Variants in ZNF292 observed in about 807,000 individuals in gnomAD.
The protein encoded by ZNF292 is 16 zinc-finger domain protein.
In ZNF292, 26 loss-of-function variants were observed where a neutral mutation model predicts 217.9. The ratio of observed to expected loss-of-function variants is 0.12; its 90% CI spans 0.09 to 0.17. ZNF292 has a LOEUF of 0.17. Ranked by LOEUF, ZNF292 falls within the 10% of genes least tolerant of loss-of-function variation. The pLI, the probability that ZNF292 is intolerant of heterozygous loss-of-function variation, is 1.00. For missense variants in ZNF292, 2,904 were observed against 3,175.2 expected (o/e 0.91, Z 2.05); for synonymous variants, 1,257 against 1,124.1 (o/e 1.12, Z -2.37).
intron 1 of ZNF292, among the ~76,000 whole-genome samples, chr6:87,211,722 AAC>A (rs971573258): frequency 2.6e-5 from 4 of 152,292 alleles, no homozygotes; most frequent in African/African-American, 9.6e-5. Flanking sequence ...TTCATCAAAA[AAC>A]AGTTTTAAAT....
At chr6:87,189,332 T>A (rs1355274680) in intron 1 of ZNF292, among the ~76,000 whole-genome samples, 1 of 152,130 alleles carries the variant, frequency 6.6e-6, no homozygotes, top group Non-Finnish European at 1.5e-5. Flanking sequence ...AGCCACAGTT[T>A]CCCATTAGTC....
chr6:87,204,082 G>T (rs925307859), intron 1 of ZNF292, among the ~76,000 whole-genome samples: 2 of 152,138 alleles, frequency 1.3e-5, no homozygotes, highest in Admixed American at 6.5e-5. Context: ...ATCTAATCAA[G>T]AGAAAATACT....
rs1297621918 is a variant in ZNF292, at chr6:87,163,840, TGGAGAAAA to T, written c.168+8082_168+8089del. On this transcript the variant is annotated intron_variant, in intron 1 of 7. Transcript: ENST00000369577. ...GACCAACTATTCAAACTGGCATTTT[TGGAGAAAA>T]ATGCCAAGTGATAGGATTGAAAGGA... Among the ~76,000 whole-genome samples the T allele has an allele frequency of 4.6e-5, 7 of 152,004 alleles. No homozygotes were observed. The East Asian group carries it at 1.2e-3, about 25-fold the overall frequency.
chr6:87,180,979 C>T, intron 1 of ZNF292, among the ~76,000 whole-genome samples: 1 of 152,170 alleles, frequency 6.6e-6, no homozygotes, highest in Admixed American at 6.5e-5. Context: ...CTAGGGCGAG[C>T]ATGCAGACAG....
chr6:87,167,405 A>G (rs940665291), intron 1 of ZNF292, among the ~76,000 whole-genome samples: 5 of 152,104 alleles, frequency 3.3e-5, no homozygotes, highest in Admixed American at 2.0e-4. Flanking sequence ...CTTTGGGAGG[A>G]TGAGATAGGT....
At chr6:87,169,675 G>T (rs1272395822) in intron 1 of ZNF292, 1 of 438,984 alleles carries the variant, frequency 2.3e-6, no homozygotes. Flanking sequence ...TTGAGACAGG[G>T]TCTCACTGTC....
At chr6:87,232,848 A>G (rs948444097) in intron 4 of ZNF292, among the ~76,000 whole-genome samples, 3 of 152,126 alleles carry the variant, frequency 2.0e-5, no homozygotes. Context: ...TTGTAAAATG[A>G]AAAATATACC....
chr6:87,261,665 A>C lies in ZNF292; in HGVS notation c.8036A>C (p.Glu2679Ala), dbSNP rs765526974. 1 of 1,612,810 alleles carries C rather than the reference A, an allele frequency of 6.2e-7. No individual in the cohort carries two copies. Among genetic ancestry groups the C allele is most frequent in the East Asian group, 2.2e-5 (1 of 44,844 alleles). ...GACAAGAATCTTAAAGATTGCACTG[A>C]GCTTGTCTTAAAGCAACTTCAGGAA... Reference protein sequence around the residue: ...VLDKNLKDCTELVLKQLQEMK... With the variant: ...VLDKNLKDCTALVLKQLQEMK... The change falls in exon 8 of 8, where the codon GAG (glutamate) becomes GCG (alanine). Residue 2679 changes from glutamate to alanine, a missense_variant. Around this residue, in one of 15 missense-constraint regions of ZNF292, gnomAD observed 380 missense variants for 355.3 expected, o/e 1.07. Transcript: ENST00000369577.
intron 1 of ZNF292, among the ~76,000 whole-genome samples, chr6:87,181,425 C>T (rs1185112801): frequency 6.6e-6 from 1 of 152,136 alleles, no homozygotes; most frequent in African/African-American, 2.4e-5. Context: ...TCCACCGCTT[C>T]TCTTGACATT....
chr6:87,193,654 C>G (rs1582403278), intron 1 of ZNF292, among the ~76,000 whole-genome samples: 1 of 152,192 alleles, frequency 6.6e-6, no homozygotes, highest in Non-Finnish European at 1.5e-5. Context: ...TACTCAGATT[C>G]CCACACAAGC....
chr6:87,205,133 C>T (rs1054364642), intron 1 of ZNF292, among the ~76,000 whole-genome samples: 2 of 152,084 alleles, frequency 1.3e-5, no homozygotes, highest in Non-Finnish European at 2.9e-5. Context: ...AGTGCAGTGG[C>T]AAGATCATAG....
At chr6:87,207,298 C>G (rs1337587678) in intron 1 of ZNF292, among the ~76,000 whole-genome samples, 2 of 152,184 alleles carry the variant, frequency 1.3e-5, no homozygotes, top group East Asian at 1.9e-4. Context: ...ACATTTGCAT[C>G]TAAAACTGTC....
In ZNF292 at chr6:87,259,980, T is replaced by C. The variant is rs375559775; in HGVS notation, c.6351T>C (p.Val2117=). The change falls in exon 8 of 8, where the codon GTT becomes GTC. Residue 2117 remains valine (V), a synonymous_variant. Coordinates refer to ENST00000369577, the MANE Select transcript of ZNF292 (RefSeq NM_015021.3). ...GTCCTTACAGACCTTATCGATGTGTTCACCAGGGATGCTTTGCTGCCTTTA... is the reference window on the plus strand; with the variant it reads ...GTCCTTACAGACCTTATCGATGTGTCCACCAGGGATGCTTTGCTGCCTTTA... ...RYSPYRPYRC[V]HQGCFAAFTI... 7.4e-6 allele frequency: 12 copies of C among 1,613,518 alleles called. No individual in the cohort carries two copies. The highest frequency in any genetic ancestry group is 6.6e-5 in the South Asian group (6 of 91,064).
intron 1 of ZNF292, among the ~76,000 whole-genome samples, chr6:87,164,657 T>C (rs1474380469): frequency 1.3e-5 from 2 of 152,194 alleles, no homozygotes; most frequent in Non-Finnish European, 2.9e-5. Context: ...GTCCCTTCGA[T>C]TGGCAAAAGT....
intron 5 of ZNF292, among the ~76,000 whole-genome samples, chr6:87,239,427 T>G (rs1279073416): frequency 6.9e-6 from 1 of 144,324 alleles, no homozygotes; most frequent in Non-Finnish European, 1.5e-5. Flanking sequence ...ACGGGGTGGC[T>G]GGCCGGGCGG....
At position 87,165,451 on chromosome 6, in the gene ZNF292, T is replaced by A. The variant is rs1007755371; in HGVS notation, c.168+9692T>A. On this transcript the variant is annotated intron_variant, in intron 1 of 7. Transcript: ENST00000369577. ...ACTCACCCGGGAGTAAGATATAACT[T>A]TATTTTACTTCACCATTTAGTTGTC... Among the ~76,000 whole-genome samples, 7 of 152,244 alleles carry A rather than the reference T, an allele frequency of 4.6e-5. No homozygotes were observed. In the South Asian group the frequency reaches 6.2e-4, roughly 13 times the overall value.
chr6:87,184,297 G>A (rs1424988844), intron 1 of ZNF292, among the ~76,000 whole-genome samples: 4 of 152,148 alleles, frequency 2.6e-5, no homozygotes, highest in African/African-American at 4.8e-5. Context: ...TGAACTTTTG[G>A]AGAGTGGTGT....
chr6:87,257,061 C>A lies in ZNF292; in HGVS notation c.3432C>A (p.Asn1144Lys). Residue 1144 changes from asparagine (N) to lysine (K), a missense_variant, in exon 8 of 8, where the codon AAC becomes AAA. Asn to Lys is a moderately conservative substitution (Grantham distance 94). Around this residue, in one of 15 missense-constraint regions of ZNF292, gnomAD observed 687 missense variants for 623.0 expected, o/e 1.10. Transcript: ENST00000369577. Reference protein sequence around the residue: ...RKSKKGQKANNLNTPNNGKFV... With the variant: ...RKSKKGQKANKLNTPNNGKFV... ...GTAAAAAAGGTCAGAAAGCTAACAACTTAAATACACCAAATAATGGAAAGT... is the reference window on the plus strand; with the variant it reads ...GTAAAAAAGGTCAGAAAGCTAACAAATTAAATACACCAAATAATGGAAAGT... The A allele has an allele frequency of 6.2e-7, 1 of 1,613,878 alleles. No homozygotes were observed. Among genetic ancestry groups the A allele is most frequent in the Non-Finnish European group, 8.5e-7 (1 of 1,179,824 alleles).
chr6:87,251,873 A>G (rs1420661050), intron 7 of ZNF292, among the ~76,000 whole-genome samples: 2 of 152,178 alleles, frequency 1.3e-5, no homozygotes, highest in East Asian at 3.8e-4. Flanking sequence ...TTTAAAGCAA[A>G]TTTATTGAGG....
Sources: gnomAD v4.1 joint callset for allele counts (sites outside exome capture counted in the v4.1 genomes callset) on GRCh38, gnomAD v4.1.1 for gene constraint, gnomAD v4.1.1 regional missense constraint, MANE v1.5 for transcripts, NCBI Gene and HGNC (gene_info 2026-07-23, HGNC 2026-07-21) for gene names.